MTHFSD: variants seen among roughly 807,000 people sequenced by gnomAD.
MTHFSD encodes methenyltetrahydrofolate synthase domain-containing protein.
In MTHFSD, 37 loss-of-function variants were observed where a neutral mutation model predicts 31.1. The observed-to-expected ratio is 1.19, with a 90% confidence interval of 0.91 to 1.56. MTHFSD has a LOEUF of 1.56. Ranked by LOEUF, MTHFSD falls within the 40% of genes most tolerant of loss-of-function variation. The pLI, the probability that MTHFSD is intolerant of heterozygous loss-of-function variation, is 0.00. For missense variants in MTHFSD, 664 were observed against 510.1 expected (o/e 1.30, Z -2.91); for synonymous variants, 221 against 206.9 (o/e 1.07, Z -0.59).
chr16:86,554,833 C>A (rs368285316), intron 1 of MTHFSD, 82 bp from the exon 2 acceptor site: 5 of 1,264,378 alleles, frequency 4.0e-6, no homozygotes, highest in Middle Eastern at 1.9e-4. Flanking sequence ...AGTTAAGCGA[C>A]CCCCGCGTGT....
Position 86,548,705 on chromosome 16 carries a change from G to A in MTHFSD, c.238-128C>T, listed in dbSNP as rs573915818. ...ATCCGCATGGTTTTTTTTGGTGTGT[G>A]CCAAGGAAATTACTTATTTGAAAAC... On this transcript the variant is annotated intron_variant, in intron 3 of 7. Coordinates refer to ENST00000360900, the MANE Select transcript of MTHFSD (RefSeq NM_001159377.2). 3.3e-4 allele frequency: 234 copies of A among 699,418 alleles called. 1 individual carries two copies. In the African/African-American group the frequency reaches 3.8e-3, roughly 11 times the overall value. 43.3% of individuals were successfully genotyped at this position (699,418 alleles called of 1,614,324 possible). A position where few individuals can be genotyped will look rare whatever the true frequency, so the allele number is the denominator to read the frequency against.
intron 7 of MTHFSD, 31 bp from the exon 8 acceptor site, chr16:86,532,512 G>C (rs1970108590): frequency 7.2e-7 from 1 of 1,385,482 alleles, no homozygotes; most frequent in Admixed American, 3.4e-5. Flanking sequence ...AGCTCTTTCA[G>C]GGACAGAATC....
At chr16:86,541,853 G>C in intron 6 of MTHFSD, 31 bp from the exon 7 acceptor site, 2 of 1,612,510 alleles carry the variant, frequency 1.2e-6, no homozygotes, top group Non-Finnish European at 1.7e-6. Context: ...TAAAGGGGCT[G>C]CTGGGAATGC....
chr16:86,545,761 C>CCATGCACTT (rs1972201834), intron 5 of MTHFSD, among the ~76,000 whole-genome samples: 2 of 152,228 alleles, frequency 1.3e-5, no homozygotes, highest in Admixed American at 1.3e-4. Context: ...CACCCACACA[C>CCATGCACTT]CATGCACTTA....
At chr16:86,538,915 G>A (rs1170429492) in intron 7 of MTHFSD, among the ~76,000 whole-genome samples, 1 of 152,166 alleles carries the variant, frequency 6.6e-6, no homozygotes, top group Non-Finnish European at 1.5e-5. Flanking sequence ...GGGTCTGTGG[G>A]TGAGGCGATC....
At position 86,532,021 on chromosome 16, in the gene MTHFSD, C is replaced by G; in HGVS notation, c.1142G>C (p.Arg381Thr). 1 of 1,477,774 alleles carries G rather than the reference C, an allele frequency of 6.8e-7. No individual in the cohort carries two copies. The allele number at this position is 1,477,774 out of a possible 1,614,324, so 91.5% of individuals were successfully genotyped here. ...TGGCTGTCCACGAGGTCACTTGTCCCTCTGCTGCCTGGCCAGCGCCACCCT... is the reference window on the plus strand; with the variant it reads ...TGGCTGTCCACGAGGTCACTTGTCCGTCTGCTGCCTGGCCAGCGCCACCCT... ...TLRVALARQQ[R>T]DK The change falls in exon 8 of 8, where the codon AGG becomes ACG. Residue 381 changes from arginine (R) to threonine (T), a missense_variant. Transcript: ENST00000360900.
intron 3 of MTHFSD, among the ~76,000 whole-genome samples, chr16:86,551,323 C>T (rs137928316): frequency 1.6e-4 from 25 of 152,228 alleles, no homozygotes; most frequent in African/African-American, 6.0e-4. Context: ...GTGCTCTAAC[C>T]GATACCTTTT....
rs759929086 is a variant in MTHFSD, at chr16:86,554,610, T to G, written c.123+35A>C. 2.0e-6 allele frequency: 3 copies of G among 1,482,628 alleles called. No homozygotes were observed. The Admixed American group carries it at 5.2e-5, about 26-fold the overall frequency. The allele number at this position is 1,482,628 out of a possible 1,614,324, so 91.8% of individuals were successfully genotyped here. A position where few individuals can be genotyped will look rare whatever the true frequency, so the allele number is the denominator to read the frequency against. ...GTGTTATTCATTTAAGAATATTTTG[T>G]TTTCCTTTTCTGGACTCCAGAAATA... is the stretch of plus-strand genomic sequence containing the variant. On this transcript the variant is annotated intron_variant, in intron 2 of 7. Coordinates refer to ENST00000360900, the MANE Select transcript of MTHFSD (RefSeq NM_001159377.2).
chr16:86,548,396 C>G, intron 4 of MTHFSD, 68 bp downstream of exon 4: 1 of 1,239,190 alleles, frequency 8.1e-7, no homozygotes, highest in Non-Finnish European at 1.2e-6. Context: ...CTATCTTATG[C>G]TAAGTCGTCA....
In MTHFSD at chr16:86,530,632, A is replaced by C. The variant is rs1282876711; in HGVS notation, c.*1379T>G. On this transcript the variant is annotated 3_prime_UTR_variant, in exon 8 of 8. Transcript: ENST00000360900. ...AAAGGTAAACAAAAAAAAAAAAATA[A>C]GAATCTTTCAGAAAAAGAAGTATTT... is the stretch of plus-strand genomic sequence containing the variant. 6.6e-6 allele frequency: 1 copy of C among 151,726 alleles called. No homozygotes were observed. The highest frequency in any genetic ancestry group is 2.4e-5 in the African/African-American group (1 of 40,968). 9.4% of individuals were successfully genotyped at this position (151,726 alleles called of 1,614,324 possible).
chr16:86,554,913 C>G, intron 1 of MTHFSD, 162 bp from the exon 2 acceptor site: 1 of 1,089,662 alleles, frequency 9.2e-7, no homozygotes, highest in Non-Finnish European at 1.3e-6. Flanking sequence ...CACGGGCTCC[C>G]CCACGTGCAC....
intron 3 of MTHFSD, among the ~76,000 whole-genome samples, chr16:86,550,060 C>T (rs115756633): frequency 0.021 from 3,275 of 152,336 alleles, 118 homozygotes; most frequent in African/African-American, 0.074. Flanking sequence ...GCACTGCGGA[C>T]TGTCCAGTCA....
Position 86,554,749 on chromosome 16 carries a change from C to G in MTHFSD, c.19G>C (p.Gly7Arg), listed in dbSNP as rs1489663986. The change falls in exon 2 of 8, where the codon GGT (glycine) becomes CGT (arginine). Residue 7 changes from glycine to arginine, a missense_variant and splice_region_variant. Coordinates refer to ENST00000360900, the MANE Select transcript of MTHFSD (RefSeq NM_001159377.2). The part of the protein sequence containing the change: MEPRAV[G>R]VSKQDIREQI... ...TCACGTATGTCCTGTTTGGAGACAC[C>G]TACTGCAACAAAAGATTCCCACTTA... The G allele has an allele frequency of 3.7e-6, 6 of 1,611,522 alleles. No individual in the cohort carries two copies. The highest frequency in any genetic ancestry group is 5.1e-6 in the Non-Finnish European group (6 of 1,177,936).
intron 3 of MTHFSD, among the ~76,000 whole-genome samples, chr16:86,549,069 A>G (rs1972751604): frequency 6.6e-6 from 1 of 152,282 alleles, no homozygotes; most frequent in Non-Finnish European, 1.5e-5. Flanking sequence ...ATCAGTAATC[A>G]TGATAATCAA....
chr16:86,552,949 CA>C (rs1973391949), intron 2 of MTHFSD, among the ~76,000 whole-genome samples: 1 of 151,982 alleles, frequency 6.6e-6, no homozygotes, highest in Non-Finnish European at 1.5e-5. Flanking sequence ...ATAGGCATGT[CA>C]AAGATGATGA....
chr16:86,539,649 C>T (rs1340073103), intron 7 of MTHFSD, among the ~76,000 whole-genome samples: 4 of 152,244 alleles, frequency 2.6e-5, no homozygotes, highest in Non-Finnish European at 4.4e-5. Flanking sequence ...AAGAGCCCAC[C>T]GGATGTTGAT....
intron 2 of MTHFSD, among the ~76,000 whole-genome samples, chr16:86,552,594 C>A (rs1973323971): frequency 6.6e-6 from 1 of 152,216 alleles, no homozygotes; most frequent in Non-Finnish European, 1.5e-5. Flanking sequence ...GTAGCATGAC[C>A]TGGAAGCCCC....
Position 86,532,043 on chromosome 16 carries a change from C to T in MTHFSD, c.1120G>A (p.Val374Met). 4.7e-6 allele frequency: 7 copies of T among 1,500,624 alleles called. No individual in the cohort carries two copies. Among genetic ancestry groups the T allele is most frequent in the Non-Finnish European group, 6.2e-6 (7 of 1,128,706 alleles). 93.0% of individuals were successfully genotyped at this position (1,500,624 alleles called of 1,614,324 possible). The part of the protein sequence containing the change: ...GLRLGTDTLR[V>M]ALARQQRDK ...TCCCTCTGCTGCCTGGCCAGCGCCACCCTCAGGGTGTCGGTGCCCAGGCGC... is the reference window on the plus strand; with the variant it reads ...TCCCTCTGCTGCCTGGCCAGCGCCATCCTCAGGGTGTCGGTGCCCAGGCGC... The change falls in exon 8 of 8, where the codon GTG (valine) becomes ATG (methionine). Residue 374 changes from valine to methionine, a missense_variant. Coordinates refer to ENST00000360900, the MANE Select transcript of MTHFSD (RefSeq NM_001159377.2).
At position 86,531,968 on chromosome 16, in the gene MTHFSD, G is replaced by A. The variant is rs1335963811; in HGVS notation, c.*43C>T. On this transcript the variant is annotated 3_prime_UTR_variant, in exon 8 of 8. Transcript: ENST00000360900. This position sits in a 1 kb window ranked among gnomAD's most constrained non-coding sequence, Gnocchi z 5.5. The stretch of plus-strand genomic sequence containing the variant: ...CATCGGAACCGGAGCGGCAGGGGAC[G>A]GGGATGGCGAGTCTGCAGTGAGCTC... The A allele has an allele frequency of 6.1e-6, 8 of 1,317,518 alleles. No individual in the cohort carries two copies. Among genetic ancestry groups the A allele is most frequent in the South Asian group, 1.7e-5 (1 of 59,248 alleles). 81.6% of individuals were successfully genotyped at this position (1,317,518 alleles called of 1,614,324 possible). A position where few individuals can be genotyped will look rare whatever the true frequency, so the allele number is the denominator to read the frequency against.
Sources: gnomAD v4.1 joint callset for allele counts (sites outside exome capture counted in the v4.1 genomes callset) on GRCh38, gnomAD v4.1.1 for gene constraint, Gnocchi (gnomAD v3.1) non-coding constraint, MANE v1.5 for transcripts, NCBI Gene and HGNC (gene_info 2026-07-23, HGNC 2026-07-21) for gene names.